Variants in COP1 observed in about 807,000 individuals in gnomAD.
COP1 encodes the protein E3 ubiquitin-protein ligase COP1.
In COP1, 24 loss-of-function variants were observed where a neutral mutation model predicts 101.3. That is an observed-to-expected ratio of 0.24 (90% confidence interval 0.17 to 0.33). The LOEUF is 0.33. Among genes scored for constraint, COP1 ranks in the 10% least tolerant of loss-of-function variants. COP1 has a pLI of 1.00. For synonymous variants in COP1, 347 were observed against 341.9 expected, an observed-to-expected ratio of 1.01 and a Z score of -0.17; for missense variants, 663 against 906.2, an observed-to-expected ratio of 0.73 and a Z score of 3.45.
At chr1:176,076,603 A>T (rs1339019878) in intron 11 of COP1, among the ~76,000 whole-genome samples, 1 of 152,112 alleles carries the variant, frequency 6.6e-6, no homozygotes. Context: ...AAGCTAGTAG[A>T]AGAAAAAACT....
intron 1 of COP1, among the ~76,000 whole-genome samples, chr1:176,192,001 C>T (rs1480618567): frequency 1.3e-5 from 2 of 151,840 alleles, no homozygotes; most frequent in Non-Finnish European, 1.5e-5. Context: ...GTCAGAAGTT[C>T]GAAAAGGATG....
rs1170246231 is a variant in COP1, at chr1:175,993,255, A to G, written c.1730-3776T>C. Among the ~76,000 whole-genome samples the G allele has an allele frequency of 2.6e-4, 40 of 152,218 alleles. 1 individual carries two copies. The highest frequency in any genetic ancestry group is 2.6e-3 in the Admixed American group (40 of 15,272). On this transcript the variant is annotated intron_variant, in intron 15 of 19. Transcript: ENST00000367669. ...AAAAACCCATCTGTATATCACCACC[A>G]TCAAAGACCAAAAGTAGATAAAACC...
In COP1 at chr1:176,029,256, GTTA is replaced by G. The variant is rs1668259629; in HGVS notation, c.1613-1571_1613-1569del. ...AAGTAATATATTCTAGAATTATTTA[GTTA>G]AATTGCAAAATTTTGGTTTTGTATT... On this transcript the variant is annotated intron_variant, in intron 14 of 19. Coordinates refer to ENST00000367669, the MANE Select transcript of COP1 (RefSeq NM_022457.7). Among the ~76,000 whole-genome samples, 3 of 132,746 alleles carry G rather than the reference GTTA, an allele frequency of 2.3e-5. No individual in the cohort carries two copies. The Admixed American group carries it at 2.5e-4, about 11-fold the overall frequency. 87.1% of individuals were successfully genotyped at this position (132,746 alleles called of 152,430 possible).
At chr1:176,019,850 G>T (rs1666422671) in intron 15 of COP1, among the ~76,000 whole-genome samples, 5 of 151,828 alleles carry the variant, frequency 3.3e-5, no homozygotes, top group Admixed American at 3.3e-4. Context: ...CACAGAGGGA[G>T]AATCCTGTCT....
chr1:176,089,163 C>T (rs1456388856), intron 9 of COP1, among the ~76,000 whole-genome samples: 2 of 151,824 alleles, frequency 1.3e-5, no homozygotes, highest in Non-Finnish European at 2.9e-5. Flanking sequence ...CAGCCGGGCA[C>T]AGTGGCAGGA....
chr1:176,171,210 T>G (rs1178440492), intron 3 of COP1, among the ~76,000 whole-genome samples: 1 of 152,146 alleles, frequency 6.6e-6, no homozygotes, highest in Non-Finnish European at 1.5e-5. Context: ...AACAATGATT[T>G]TTACCTAGAT....
At chr1:176,016,151 T>A (rs1356044210) in intron 15 of COP1, among the ~76,000 whole-genome samples, 8 of 150,968 alleles carry the variant, frequency 5.3e-5, no homozygotes, top group Admixed American at 5.3e-4. Context: ...TGTCTGGAGT[T>A]TTTTTTAGCT....
chr1:176,108,482 T>G (rs1464306152), intron 9 of COP1, among the ~76,000 whole-genome samples: 1 of 152,166 alleles, frequency 6.6e-6, no homozygotes, highest in Admixed American at 6.6e-5. Flanking sequence ...TCAAACTATT[T>G]TAGCATTGAT....
At chr1:176,118,274 T>C (rs1487185859) in intron 8 of COP1, among the ~76,000 whole-genome samples, 5 of 152,226 alleles carry the variant, frequency 3.3e-5, no homozygotes, top group Non-Finnish European at 7.3e-5. Context: ...TTAGTTTCTT[T>C]TATTAACAAA....
intron 14 of COP1, among the ~76,000 whole-genome samples, chr1:176,039,580 GAAA>G (rs58546888): frequency 1.3e-4 from 20 of 149,402 alleles, no homozygotes; most frequent in Middle Eastern, 3.5e-3. Flanking sequence ...ATGTTTTACA[GAAA>G]AAAAAAAAAT....
chr1:175,977,452 T>C (rs1654844532), intron 18 of COP1, among the ~76,000 whole-genome samples: 1 of 152,178 alleles, frequency 6.6e-6, no homozygotes, highest in African/African-American at 2.4e-5. Flanking sequence ...ATCAAATTAT[T>C]CCAGTGTTCA....
chr1:175,964,971 G>T (rs1423400746), intron 18 of COP1, among the ~76,000 whole-genome samples: 2 of 152,154 alleles, frequency 1.3e-5, no homozygotes, highest in Admixed American at 6.6e-5. Context: ...TGCCAGAAAA[G>T]AGAGTGTTAA....
chr1:176,067,282 C>A (rs1213016907), intron 11 of COP1, among the ~76,000 whole-genome samples: 2 of 152,122 alleles, frequency 1.3e-5, no homozygotes, highest in South Asian at 2.1e-4. Flanking sequence ...GGACTCCAAC[C>A]CCAGGCCTGT....
At chr1:176,010,019 C>G (rs1449769055) in intron 15 of COP1, among the ~76,000 whole-genome samples, 1 of 151,746 alleles carries the variant, frequency 6.6e-6, no homozygotes, top group African/African-American at 2.4e-5. Context: ...TCCTTTTTCC[C>G]TTTTAGCTTT....
intron 15 of COP1, among the ~76,000 whole-genome samples, chr1:176,013,504 C>T (rs1308913054): frequency 1.3e-5 from 2 of 152,100 alleles, no homozygotes; most frequent in Non-Finnish European, 2.9e-5. Context: ...GGTTCTCCTT[C>T]CTGCTATAGT....
intron 15 of COP1, among the ~76,000 whole-genome samples, chr1:176,017,846 A>T (rs1665948323): frequency 6.6e-6 from 1 of 152,092 alleles, no homozygotes; most frequent in South Asian, 2.1e-4. Flanking sequence ...TTTAATAGCA[A>T]TACTTAAACC....
chr1:175,981,544 A>T (rs113461876), intron 18 of COP1, among the ~76,000 whole-genome samples: 2 of 152,184 alleles, frequency 1.3e-5, no homozygotes, highest in African/African-American at 4.8e-5. Flanking sequence ...AGGCTTAAAC[A>T]TAAGACTGAA....
chr1:176,009,583 A>G (rs149017410), intron 15 of COP1, among the ~76,000 whole-genome samples: 26 of 152,290 alleles, frequency 1.7e-4, no homozygotes, highest in Admixed American at 5.2e-4. Flanking sequence ...AGATGTTTCT[A>G]TAGATGTGAC....
chr1:176,177,463 T>C (rs150066171), intron 2 of COP1, among the ~76,000 whole-genome samples: 2,481 of 152,136 alleles, frequency 0.016, 36 homozygotes, highest in Non-Finnish European at 0.026. Flanking sequence ...AAATCATATA[T>C]GTGTACATTT....
Sources: gnomAD v4.1 joint callset for allele counts (sites outside exome capture counted in the v4.1 genomes callset) on GRCh38, gnomAD v4.1.1 for gene constraint, MANE v1.5 for transcripts, NCBI Gene and HGNC (gene_info 2026-07-23, HGNC 2026-07-21) for gene names.